The following CUTC variants were observed in gnomAD, a reference collection of about 807,000 sequenced individuals.
The protein encoded by CUTC is copper homeostasis protein cutC homolog.
A neutral mutation model predicts 36.2 loss-of-function variants in CUTC; 27 were observed. That is an observed-to-expected ratio of 0.75 (90% CI 0.55 to 1.03). CUTC has a LOEUF of 1.03. Ranked by LOEUF, CUTC falls within the 50% of genes least tolerant of loss-of-function variation. The pLI is 0.00. For synonymous variants in CUTC, 114 were observed against 118.3 expected (o/e 0.96, Z 0.24); for missense variants, 315 against 343.5 (o/e 0.92, Z 0.66).
At chr10:99,745,586 C>T (rs1203931003) in intron 5 of CUTC, among the ~76,000 whole-genome samples, 1 of 152,054 alleles carries the variant, frequency 6.6e-6, no homozygotes, top group Non-Finnish European at 1.5e-5. Context: ...GGGCTGGGCA[C>T]AGTGGCTTAC....
chr10:99,740,316 C>T (rs1478468784), intron 3 of CUTC, among the ~76,000 whole-genome samples: 1 of 151,958 alleles, frequency 6.6e-6, no homozygotes, highest in African/African-American at 2.4e-5. Context: ...CTTTCTTTAA[C>T]TTTTTTTGTT....
chr10:99,754,638 A>G lies in CUTC; in HGVS notation c.707+4A>G. 1 of 1,587,416 alleles carries G rather than the reference A, an allele frequency of 6.3e-7. No homozygotes were observed. Among genetic ancestry groups the G allele is most frequent in the Non-Finnish European group, 8.6e-7 (1 of 1,159,146 alleles). Reference sequence around the variant, plus strand: ...GAGACTCGGGAATGAAGTTTCGGTAAAAATGTATTCTTCGATTCAAATAAG... The same window carrying G: ...GAGACTCGGGAATGAAGTTTCGGTAGAAATGTATTCTTCGATTCAAATAAG... On this transcript the variant is annotated splice_donor_region_variant and intron_variant, in intron 8 of 8. Coordinates refer to ENST00000370476, the MANE Select transcript of CUTC (RefSeq NM_015960.3).
Position 99,736,238 on chromosome 10 carries a change from T to C in CUTC, c.62-8T>C, listed in dbSNP as rs2037296267. On this transcript the variant is annotated splice_polypyrimidine_tract_variant and splice_region_variant and intron_variant, in intron 1 of 8. Transcript: ENST00000370476. ...TTATGAACTCTTACCATTCTCCATG[T>C]ATTTTAGGAGCAGCAAATGGATTTC... is the stretch of plus-strand genomic sequence containing the variant. The C allele has an allele frequency of 3.1e-6, 5 of 1,612,190 alleles. No individual in the cohort carries two copies. In the South Asian group the frequency reaches 4.4e-5, roughly 14 times the overall value.
At chr10:99,738,389 G>GGTGTGGGT (rs1554843113) in intron 2 of CUTC, among the ~76,000 whole-genome samples, 7 of 142,862 alleles carry the variant, frequency 4.9e-5, no homozygotes, top group Non-Finnish European at 7.6e-5. Context: ...ACTCATACAG[G>GGTGTGGGT]GTGTGTGTGT....
chr10:99,732,254 C>T lies in CUTC; in HGVS notation c.-95C>T, dbSNP rs2037196512. On this transcript the variant is annotated 5_prime_UTR_variant, in exon 1 of 9. Coordinates refer to ENST00000370476, the MANE Select transcript of CUTC (RefSeq NM_015960.3). ...TAGGTGTCGGGGACGCGCGCACGGGCGCGCGCAGCTGTTGACGCGCTTCTT... is the reference window on the plus strand; with the variant it reads ...TAGGTGTCGGGGACGCGCGCACGGGTGCGCGCAGCTGTTGACGCGCTTCTT... The T allele has an allele frequency of 3.3e-6, 5 of 1,529,056 alleles. No homozygotes were observed. The South Asian group carries it at 6.1e-5, about 19-fold the overall frequency. 94.7% of individuals were successfully genotyped at this position (1,529,056 alleles called of 1,614,324 possible). A position where few individuals can be genotyped will look rare whatever the true frequency, so the allele number is the denominator to read the frequency against.
At chr10:99,751,916 T>C (rs1423926432) in intron 7 of CUTC, among the ~76,000 whole-genome samples, 3 of 152,220 alleles carry the variant, frequency 2.0e-5, no homozygotes, top group Non-Finnish European at 2.9e-5. Context: ...TCTGGATTTA[T>C]CAGATTATTT....
At chr10:99,741,219 G>C (rs923958632) in intron 3 of CUTC, among the ~76,000 whole-genome samples, 2 of 152,200 alleles carry the variant, frequency 1.3e-5, no homozygotes, top group Non-Finnish European at 2.9e-5. Flanking sequence ...TGCTGGGCAA[G>C]TCTGGAGCAG....
intron 7 of CUTC, among the ~76,000 whole-genome samples, chr10:99,751,664 C>G (rs1259177579): frequency 6.6e-6 from 1 of 152,164 alleles, no homozygotes; most frequent in Non-Finnish European, 1.5e-5. Context: ...TCGAGACCAG[C>G]CTGGCCAACA....
At chr10:99,738,131 G>T (rs1335613810) in intron 2 of CUTC, among the ~76,000 whole-genome samples, 1 of 148,388 alleles carries the variant, frequency 6.7e-6, no homozygotes, top group Non-Finnish European at 1.5e-5. Flanking sequence ...GGCAATAAGA[G>T]CAAAACTCCG....
chr10:99,747,917 AAAATT>A (rs1260022504), intron 6 of CUTC, among the ~76,000 whole-genome samples: 15 of 152,222 alleles, frequency 9.9e-5, no homozygotes, highest in African/African-American at 3.6e-4. Context: ...TTCCAAAACT[AAAATT>A]ATAATCTTAT....
At chr10:99,737,482 G>C (rs1373793833) in intron 2 of CUTC, among the ~76,000 whole-genome samples, 2 of 152,142 alleles carry the variant, frequency 1.3e-5, no homozygotes, top group Admixed American at 1.3e-4. Context: ...AGGGCTGAGA[G>C]GCATGAGAAG....
At chr10:99,744,442 G>A (rs985449611) in intron 5 of CUTC, among the ~76,000 whole-genome samples, 13 of 152,164 alleles carry the variant, frequency 8.5e-5, no homozygotes, top group Admixed American at 8.5e-4. Context: ...GTTGTGGCTG[G>A]TGAAATGAAA....
chr10:99,755,380 GA>G (rs386372234), intron 8 of CUTC, among the ~76,000 whole-genome samples: 2,453 of 121,972 alleles, frequency 0.02, 62 homozygotes, highest in African/African-American at 0.066. Context: ...ATTTAAAAAG[GA>G]AAAAAAAAAA....
At chr10:99,745,636 A>T (rs2037372657) in intron 5 of CUTC, among the ~76,000 whole-genome samples, 1 of 152,210 alleles carries the variant, frequency 6.6e-6, no homozygotes, top group Admixed American at 6.5e-5. Flanking sequence ...AGGTGGGTGG[A>T]TCACAAGGTT....
At chr10:99,743,498 A>G in intron 4 of CUTC, 136 bp downstream of exon 4, 1 of 762,300 alleles carries the variant, frequency 1.3e-6, no homozygotes, top group Admixed American at 2.6e-5. Flanking sequence ...TATTTCAAAT[A>G]GTAGTTATTT....
At position 99,755,693 on chromosome 10, in the gene CUTC, C is replaced by G. The variant is rs753481863; in HGVS notation, c.776C>G (p.Thr259Ser). The change falls in exon 9 of 9, where the codon ACC (threonine) becomes AGC (serine). Residue 259 changes from threonine to serine, a missense_variant. By Grantham distance (58) the Thr-to-Ser change is moderately conservative. Coordinates refer to ENST00000370476, the MANE Select transcript of CUTC (RefSeq NM_015960.3). ...SEYSLKVTDV[T>S]KVRTLNAIAK... ...TATTCCCTAAAGGTAACAGATGTGACCAAAGTAAGGACTTTGAATGCTATC... is the reference window on the plus strand; with the variant it reads ...TATTCCCTAAAGGTAACAGATGTGAGCAAAGTAAGGACTTTGAATGCTATC... 6.2e-7 allele frequency: 1 copy of G among 1,613,928 alleles called. No homozygotes were observed. Among genetic ancestry groups the G allele is most frequent in the Non-Finnish European group, 8.5e-7 (1 of 1,179,882 alleles).
chr10:99,734,946 T>C (rs2037282483), intron 1 of CUTC, among the ~76,000 whole-genome samples: 1 of 151,408 alleles, frequency 6.6e-6, no homozygotes, highest in African/African-American at 2.4e-5. Context: ...CTACAAAAAA[T>C]ACAAAATTAA....
At chr10:99,738,603 C>A (rs867686932) in intron 2 of CUTC, among the ~76,000 whole-genome samples, 1 of 152,066 alleles carries the variant, frequency 6.6e-6, no homozygotes, top group Non-Finnish European at 1.5e-5. Flanking sequence ...CTCAATTTTG[C>A]TAATTATATG....
rs143886584 is a variant in CUTC at position 99,751,449 on chromosome 10, C to T, written c.601+1053C>T. 1.7e-3 allele frequency among the ~76,000 whole-genome samples: 264 copies of T among 152,326 alleles called. 1 individual carries two copies. The highest frequency in any genetic ancestry group is 6.1e-3 in the African/African-American group (253 of 41,584). The stretch of plus-strand genomic sequence containing the variant: ...TCAAGCGATCCTCCTGCCTCAGCCA[C>T]CCAAGTAGCTGGGACTACAGTTGCA... On this transcript the variant is annotated intron_variant, in intron 7 of 8. Coordinates refer to ENST00000370476, the MANE Select transcript of CUTC (RefSeq NM_015960.3).
Sources: gnomAD v4.1 joint callset for allele counts (sites outside exome capture counted in the v4.1 genomes callset) on GRCh38, gnomAD v4.1.1 for gene constraint, MANE v1.5 for transcripts, NCBI Gene and HGNC (gene_info 2026-07-23, HGNC 2026-07-21) for gene names.